F5: variants seen among roughly 807,000 people sequenced by gnomAD.
The protein encoded by F5 is activated protein c cofactor.
In F5, 138 loss-of-function variants were observed where a neutral mutation model predicts 216.4. The observed-to-expected ratio is 0.64, with a 90% CI of 0.56 to 0.73. F5 has a LOEUF of 0.73. F5 is among the 30% of genes least tolerant of loss of function. F5 has a pLI of 0.00. For missense variants in F5, 2,403 were observed against 2,674.0 expected, an observed-to-expected ratio of 0.90 and a Z score of 2.24; for synonymous variants, 916 against 930.7, an observed-to-expected ratio of 0.98 and a Z score of 0.29.
At chr1:169,557,320 A>G (rs572716700) in intron 5 of F5, among the ~76,000 whole-genome samples, 114 of 152,342 alleles carry the variant, frequency 7.5e-4, no homozygotes, top group African/African-American at 2.7e-3. Context: ...AGAACCGCCA[A>G]TAGGGCTGAG....
Position 169,523,331 on chromosome 1 carries a change from T to C in F5, c.5914A>G (p.Ile1972Val), listed in dbSNP as rs376078482. 21 of 1,613,950 alleles carry C rather than the reference T, an allele frequency of 1.3e-5. No individual in the cohort carries two copies. The highest frequency in any genetic ancestry group is 2.7e-5 in the African/African-American group (2 of 74,940). ...CCTTGGGTCTGGATCCCTGTGATTA[T>C]GACTTCCTTTTGCATGTCCACCTGC... ...WIQVDMQKEVIITGIQTQGAK... is the reference protein window; with the variant it reads ...WIQVDMQKEVVITGIQTQGAK... Residue 1972 changes from isoleucine (I) to valine (V), a missense_variant, in exon 21 of 25, where the codon ATA becomes GTA. Physicochemically the swap from Ile to Val is conservative, Grantham distance 29 (BLOSUM62 3). Around this residue, in one of 4 missense-constraint regions of F5, gnomAD observed 659 missense variants for 787.9 expected, o/e 0.84. Coordinates refer to ENST00000367797, the MANE Select transcript of F5 (RefSeq NM_000130.5).
intron 1 of F5, among the ~76,000 whole-genome samples, chr1:169,585,340 G>A (rs1470821344): frequency 6.6e-6 from 1 of 152,090 alleles, no homozygotes; most frequent in Non-Finnish European, 1.5e-5. Flanking sequence ...CTTTGGTTTT[G>A]TAATTGTAAA....
chr1:169,570,685 C>T (rs9332538), intron 3 of F5, among the ~76,000 whole-genome samples: 41,865 of 151,972 alleles, frequency 0.28, 6,074 homozygotes, highest in South Asian at 0.36. Context: ...ATATAGAAAA[C>T]AATAAATTTA....
rs1384648581 is a variant in F5 at position 169,544,413 on chromosome 1, C to A, written c.1858G>T (p.Glu620Ter). Residue 620 changes from glutamate (E) to a stop codon, truncating the protein, a stop_gained, in exon 12 of 25, where the codon GAA (glutamate) becomes TAA (stop). Transcript: ENST00000367797. LOFTEE classifies it high-confidence loss of function. Reference protein sequence around the residue: ...WHFCSVGTQNEILTIHFTGHS... With the variant: ...WHFCSVGTQN The stretch of plus-strand genomic sequence containing the variant: ...CCAGTGAAGTGGATGGTCAAAATTT[C>A]ATTCTGGGTCCCCACACTACAGAAG... 6.2e-7 allele frequency: 1 copy of A among 1,614,134 alleles called. No homozygotes were observed. The highest frequency in any genetic ancestry group is 8.5e-7 in the Non-Finnish European group (1 of 1,180,002).
chr1:169,568,521 A>AT lies in F5; in HGVS notation c.373+3699dup, dbSNP rs1374247616. On this transcript the variant is annotated intron_variant, in intron 3 of 24. Coordinates refer to ENST00000367797, the MANE Select transcript of F5 (RefSeq NM_000130.5). ...GTGAGATGCAGTTTTGGTGAATGTG[A>AT]TTTTGACTTTGTAATCAAAATAAAA... 6.5e-5 allele frequency among the ~76,000 whole-genome samples: 9 copies of AT among 139,090 alleles called. No individual in the cohort carries two copies. The East Asian group carries it at 1.4e-3, about 22-fold the overall frequency. The allele number at this position is 139,090 out of a possible 152,430, so 91.2% of individuals were successfully genotyped here. A position where few individuals can be genotyped will look rare whatever the true frequency, so the allele number is the denominator to read the frequency against.
chr1:169,553,254 C>T (rs1318798357), intron 7 of F5, among the ~76,000 whole-genome samples: 1 of 152,200 alleles, frequency 6.6e-6, no homozygotes, highest in Non-Finnish European at 1.5e-5. Context: ...CCTCCTTCAC[C>T]CATCTTTTGT....
chr1:169,579,029 G>A (rs968050105), intron 2 of F5, among the ~76,000 whole-genome samples: 6 of 151,680 alleles, frequency 4.0e-5, no homozygotes, highest in African/African-American at 1.2e-4. Flanking sequence ...ATGTCCTTAA[G>A]CTCCTCAGTA....
intron 2 of F5, among the ~76,000 whole-genome samples, chr1:169,576,604 T>C (rs9332685): frequency 1.3e-5 from 2 of 152,208 alleles, no homozygotes; most frequent in Non-Finnish European, 2.9e-5. Context: ...CAGGCCCCCA[T>C]CTTTATAGAA....
intron 2 of F5, among the ~76,000 whole-genome samples, chr1:169,581,194 A>G (rs1245563145): frequency 6.6e-6 from 1 of 152,188 alleles, no homozygotes; most frequent in Non-Finnish European, 1.5e-5. Flanking sequence ...AAAAACAGGT[A>G]AAGCGAGAGC....
At chr1:169,569,604 C>T (rs2298905) in intron 3 of F5, among the ~76,000 whole-genome samples, 41,821 of 151,882 alleles carry the variant, frequency 0.28, 6,070 homozygotes, top group South Asian at 0.36. Context: ...TTAGTGACAG[C>T]TTTTAAGTGA....
At position 169,513,489 on chromosome 1, in the gene F5, T is replaced by A. The variant is rs1659082540; in HGVS notation, c.*824A>T. 6.6e-6 allele frequency among the ~76,000 whole-genome samples: 1 copy of A among 152,134 alleles called. No homozygotes were observed. Among genetic ancestry groups the A allele is most frequent in the South Asian group, 2.1e-4 (1 of 4,824 alleles). ...GAAGGCCCTGAAAGAAAACTTTAAC[T>A]GCTTGCCAGTTTGGCCAGAGGTCTC... On this transcript the variant is annotated 3_prime_UTR_variant, in exon 25 of 25. Coordinates refer to ENST00000367797, the MANE Select transcript of F5 (RefSeq NM_000130.5).
chr1:169,579,163 G>T (rs1660933006), intron 2 of F5, among the ~76,000 whole-genome samples: 1 of 150,408 alleles, frequency 6.6e-6, no homozygotes. Context: ...TCAACACCCT[G>T]CCATCTGGTC....
Position 169,523,785 on chromosome 1 carries a change from G to A in F5, c.5892+16C>T. 1 of 1,570,090 alleles carries A rather than the reference G, an allele frequency of 6.4e-7. No homozygotes were observed. Among genetic ancestry groups the A allele is most frequent in the Non-Finnish European group, 8.8e-7 (1 of 1,140,290 alleles). The stretch of plus-strand genomic sequence containing the variant: ...ATTACGATAGCAGTAAATATTATCA[G>A]TCTATTAAGACAAACCTGGATCCAA... On this transcript the variant is annotated intron_variant, in intron 20 of 24. Coordinates refer to ENST00000367797, the MANE Select transcript of F5 (RefSeq NM_000130.5).
At chr1:169,579,205 A>G (rs1660933596) in intron 2 of F5, among the ~76,000 whole-genome samples, 1 of 152,060 alleles carries the variant, frequency 6.6e-6, no homozygotes, top group Admixed American at 6.6e-5. Context: ...AAGGGACCAT[A>G]TTTTGACCCT....
intron 2 of F5, among the ~76,000 whole-genome samples, chr1:169,576,467 T>A (rs1660851996): frequency 6.6e-6 from 1 of 152,058 alleles, no homozygotes; most frequent in South Asian, 2.1e-4. Context: ...GCCTGGGAGG[T>A]AGGAATCGGG....
At position 169,550,625 on chromosome 1, in the gene F5, G is replaced by A; in HGVS notation, c.1396+15C>T. On this transcript the variant is annotated intron_variant, in intron 9 of 24. Transcript: ENST00000367797. The stretch of plus-strand genomic sequence containing the variant: ...AAGTTACTAGTTGGATTCAGTAGAA[G>A]TGAAAGATTCAAACCTGAGGTGAAA... The A allele has an allele frequency of 1.3e-6, 2 of 1,595,644 alleles. No homozygotes were observed. The highest frequency in any genetic ancestry group is 2.7e-5 in the African/African-American group (2 of 74,672).
intron 23 of F5, among the ~76,000 whole-genome samples, chr1:169,517,915 T>A (rs911689881): frequency 6.6e-6 from 1 of 152,186 alleles, no homozygotes; most frequent in Non-Finnish European, 1.5e-5. Context: ...CAAATCTAAA[T>A]CATTTTTTTA....
At chr1:169,575,656 TG>T (rs1458012194) in intron 2 of F5, among the ~76,000 whole-genome samples, 3 of 152,058 alleles carry the variant, frequency 2.0e-5, no homozygotes, top group African/African-American at 7.2e-5. Flanking sequence ...GAAGATGGAT[TG>T]GATGTGGGGT....
At chr1:169,534,044 G>C (rs1334925617) in intron 14 of F5, among the ~76,000 whole-genome samples, 2 of 152,294 alleles carry the variant, frequency 1.3e-5, no homozygotes, top group East Asian at 1.9e-4. Flanking sequence ...ATAGATTACA[G>C]ACATTGTATA....
Sources: gnomAD v4.1 joint callset for allele counts (sites outside exome capture counted in the v4.1 genomes callset) on GRCh38, gnomAD v4.1.1 for gene constraint, gnomAD v4.1.1 regional missense constraint, MANE v1.5 for transcripts, NCBI Gene and HGNC (gene_info 2026-07-23, HGNC 2026-07-21) for gene names.